The following SLC25A20 variants were observed in gnomAD, a reference collection of about 807,000 sequenced individuals.
The protein encoded by SLC25A20 is solute carrier family 25 member 20.
SLC25A20 carries 29 observed loss-of-function variants against 39.7 expected under a neutral mutation model. The observed-to-expected ratio is 0.73, with a 90% CI of 0.54 to 1.00. SLC25A20 has a LOEUF of 1.00. Among genes scored for constraint, SLC25A20 ranks in the 50% least tolerant of loss-of-function variants. The probability of loss-of-function intolerance (pLI) is 0.00; values close to 1 mark genes in which losing one functional copy is unlikely to be tolerated. For synonymous variants in SLC25A20, 103 were observed against 142.2 expected, an observed-to-expected ratio of 0.72 and a Z score of 1.96; for missense variants, 333 against 379.9, an observed-to-expected ratio of 0.88 and a Z score of 1.03.
chr3:48,866,911 A>G lies in SLC25A20; in HGVS notation c.418-4252T>C, dbSNP rs537345540. On this transcript the variant is annotated intron_variant, in intron 4 of 8. Transcript: ENST00000319017. ...CAGGTTCAAGCAATTCTCCTGTCTC[A>G]GACTCCCGAGTAGCTGGGATTACAG... Among the ~76,000 whole-genome samples the G allele has an allele frequency of 1.3e-4, 20 of 152,042 alleles. No individual in the cohort carries two copies. The East Asian group carries it at 3.5e-3, about 27-fold the overall frequency.
At chr3:48,884,444 G>A (rs983946987) in intron 2 of SLC25A20, among the ~76,000 whole-genome samples, 1 of 151,860 alleles carries the variant, frequency 6.6e-6, no homozygotes, top group African/African-American at 2.4e-5. Context: ...TGATCCCCTG[G>A]GCTCAAGTGA....
intron 2 of SLC25A20, among the ~76,000 whole-genome samples, chr3:48,887,600 G>A (rs2083838957): frequency 6.6e-6 from 1 of 152,124 alleles, no homozygotes; most frequent in South Asian, 2.1e-4. Flanking sequence ...TAAGGAGGAG[G>A]AGCTTAAAGA....
intron 2 of SLC25A20, among the ~76,000 whole-genome samples, chr3:48,885,061 A>G (rs2083820221): frequency 6.6e-6 from 1 of 152,230 alleles, no homozygotes; most frequent in East Asian, 1.9e-4. Context: ...AATGAAAGGG[A>G]AGATGAGCCT....
chr3:48,880,213 C>T (rs1175556831), intron 3 of SLC25A20, among the ~76,000 whole-genome samples: 1 of 152,162 alleles, frequency 6.6e-6, no homozygotes, highest in Non-Finnish European at 1.5e-5. Context: ...GAGGCTCCTA[C>T]CATCTATCAC....
intron 1 of SLC25A20, chr3:48,895,666 C>G (rs911314740): frequency 1.9e-5 from 7 of 364,670 alleles, no homozygotes; most frequent in Middle Eastern, 3.7e-4. Flanking sequence ...CCATATCAAA[C>G]CAAGGAAGTC....
At chr3:48,898,664 A>G in intron 1 of SLC25A20, 26 bp downstream of exon 1, 1 of 1,573,654 alleles carries the variant, frequency 6.4e-7, no homozygotes, top group Non-Finnish European at 8.6e-7. Flanking sequence ...CCTCCTCCCC[A>G]AAGCCTGCGA....
intron 4 of SLC25A20, among the ~76,000 whole-genome samples, chr3:48,867,070 C>G (rs1027998377): frequency 2.0e-5 from 3 of 151,990 alleles, no homozygotes; most frequent in African/African-American, 7.3e-5. Context: ...GCTGGGATTA[C>G]AGGTGTGAGC....
rs2083587903 is a variant in SLC25A20, at chr3:48,857,376, G to A, written c.*334C>T. Reference sequence around the variant, plus strand: ...GAGAACCTGAGATTCTCTCTTTAATGAGGAATACTTTGACTGTGGTAGGAC... The same window carrying A: ...GAGAACCTGAGATTCTCTCTTTAATAAGGAATACTTTGACTGTGGTAGGAC... On this transcript the variant is annotated 3_prime_UTR_variant, in exon 9 of 9. Transcript: ENST00000319017. 3.0e-6 allele frequency: 1 copy of A among 335,226 alleles called. No individual in the cohort carries two copies. The highest frequency in any genetic ancestry group is 5.8e-6 in the Non-Finnish European group (1 of 173,600). The allele number at this position is 335,226 out of a possible 1,614,324, so 20.8% of individuals were successfully genotyped here.
At chr3:48,861,746 G>A (rs2083629599) in intron 5 of SLC25A20, among the ~76,000 whole-genome samples, 1 of 151,638 alleles carries the variant, frequency 6.6e-6, no homozygotes, top group Non-Finnish European at 1.5e-5. Flanking sequence ...TAATAATAAG[G>A]CCGGGTGCGG....
intron 6 of SLC25A20, 38 bp from the exon 7 acceptor site, chr3:48,859,239 C>T: frequency 1.9e-6 from 3 of 1,569,364 alleles, no homozygotes; most frequent in Non-Finnish European, 2.6e-6. Context: ...TAGACAAAGG[C>T]TGTGAGAGTG....
In SLC25A20 at chr3:48,857,714, A is replaced by C. The variant is rs751870599; in HGVS notation, c.902T>G (p.Leu301Trp). The C allele has an allele frequency of 6.2e-7, 1 of 1,613,830 alleles. No individual in the cohort carries two copies. The highest frequency in any genetic ancestry group is 8.5e-7 in the Non-Finnish European group (1 of 1,179,896). Residue 301 changes from leucine (L) to tryptophan (W), a missense_variant, in exon 9 of 9, where the codon TTG (leucine) becomes TGG (tryptophan). By Grantham distance (61) the Leu-to-Trp change is moderately conservative. Transcript: ENST00000319017. ...MKFLNWATPN[L>W] ...GAACTTGAGCAGCCTTCAGCCTCAC[A>C]AGTTGGGGGTGGCCCAATTAAGGAA... is the stretch of plus-strand genomic sequence containing the variant.
At chr3:48,858,686 G>A (rs2083599531) in intron 7 of SLC25A20, 55 bp from the exon 8 acceptor site, 1 of 1,612,640 alleles carries the variant, frequency 6.2e-7, no homozygotes, top group Non-Finnish European at 8.5e-7. Context: ...TAGCAGTTAA[G>A]TCTTCCTGAA....
rs770135555 is a variant in SLC25A20 at position 48,898,803 on chromosome 3, C to T, written c.-9G>A. 2 of 1,557,792 alleles carry T rather than the reference C, an allele frequency of 1.3e-6. No individual in the cohort carries two copies. Among genetic ancestry groups the T allele is most frequent in the East Asian group, 2.4e-5 (1 of 41,484 alleles). The stretch of plus-strand genomic sequence containing the variant: ...TTTGGCTGGTCGGCCATGGTCAGTC[C>T]GTCTGTCACTCCGTCTGTCAGTTCT... On this transcript the variant is annotated 5_prime_UTR_variant, in exon 1 of 9. Transcript: ENST00000319017.
At chr3:48,880,270 C>T (rs1009419958) in intron 3 of SLC25A20, among the ~76,000 whole-genome samples, 2 of 151,970 alleles carry the variant, frequency 1.3e-5, no homozygotes, top group African/African-American at 4.8e-5. Flanking sequence ...CTTTTCTTTT[C>T]TTTCGTCTTT....
chr3:48,857,605 C>A lies in SLC25A20; in HGVS notation c.*105G>T. The A allele has an allele frequency of 9.8e-7, 1 of 1,024,514 alleles. No homozygotes were observed. Among genetic ancestry groups the A allele is most frequent in the East Asian group, 2.4e-5 (1 of 41,104 alleles). 63.5% of individuals were successfully genotyped at this position (1,024,514 alleles called of 1,614,324 possible). On this transcript the variant is annotated 3_prime_UTR_variant, in exon 9 of 9. Transcript: ENST00000319017. Reference sequence around the variant, plus strand: ...TCCATGCACAGGGCTCGGATCTCACCATTCCCCTCCCCTTGCCCTCCAAGA... The same window carrying A: ...TCCATGCACAGGGCTCGGATCTCACAATTCCCCTCCCCTTGCCCTCCAAGA...
intron 3 of SLC25A20, among the ~76,000 whole-genome samples, chr3:48,881,328 A>G (rs1408097549): frequency 1.3e-5 from 2 of 152,158 alleles, no homozygotes; most frequent in African/African-American, 4.8e-5. Flanking sequence ...TATGAGACCA[A>G]CATGTTCCAT....
At chr3:48,866,410 A>C (rs911927647) in intron 4 of SLC25A20, among the ~76,000 whole-genome samples, 1 of 148,230 alleles carries the variant, frequency 6.7e-6, no homozygotes, top group Non-Finnish European at 1.5e-5. Flanking sequence ...AAAAATTAGC[A>C]GGGCGTGGTG....
At chr3:48,893,010 T>G (rs1427893691) in intron 1 of SLC25A20, among the ~76,000 whole-genome samples, 1 of 151,982 alleles carries the variant, frequency 6.6e-6, no homozygotes, top group East Asian at 1.9e-4. Flanking sequence ...TCTTCAATAC[T>G]TATTATCTTT....
chr3:48,873,479 T>A (rs1354266650), intron 4 of SLC25A20, among the ~76,000 whole-genome samples: 1 of 150,750 alleles, frequency 6.6e-6, no homozygotes, highest in Non-Finnish European at 1.5e-5. Flanking sequence ...CGTGGTGGTG[T>A]GTGCCAGTAG....
Sources: gnomAD v4.1 joint callset for allele counts (sites outside exome capture counted in the v4.1 genomes callset) on GRCh38, gnomAD v4.1.1 for gene constraint, MANE v1.5 for transcripts, NCBI Gene and HGNC (gene_info 2026-07-23, HGNC 2026-07-21) for gene names.